The following NADSYN1 variants were observed in gnomAD, a reference collection of about 807,000 sequenced individuals.
NADSYN1 encodes NAD synthetase 1.
Under a neutral mutation model 99.3 loss-of-function variants are expected in NADSYN1, and 80 were observed. The ratio of observed to expected loss-of-function variants is 0.81; its 90% CI spans 0.67 to 0.97. The LOEUF is 0.97. NADSYN1 is among the 50% of genes least tolerant of loss of function. NADSYN1 has a pLI of 0.00. For missense variants in NADSYN1, 859 were observed against 948.5 expected (o/e 0.91, Z 1.24); for synonymous variants, 385 against 372.1 (o/e 1.03, Z -0.40).
chr11:71,497,054 T>C (rs1949824902), intron 18 of NADSYN1: 3 of 208,332 alleles, frequency 1.4e-5, no homozygotes, highest in Non-Finnish European at 2.9e-5. Context: ...AGTTTGTTAT[T>C]TTTTGTAGAG....
At chr11:71,470,186 A>G (rs910282693) in intron 5 of NADSYN1, among the ~76,000 whole-genome samples, 1 of 152,234 alleles carries the variant, frequency 6.6e-6, no homozygotes, top group Non-Finnish European at 1.5e-5. Context: ...TGAGAACAGT[A>G]TGGGGGAACC....
intron 1 of NADSYN1, among the ~76,000 whole-genome samples, chr11:71,454,675 TG>T (rs913280570): frequency 6.6e-6 from 1 of 152,212 alleles, no homozygotes; most frequent in Non-Finnish European, 1.5e-5. Flanking sequence ...AGTAAGCCGA[TG>T]GTGCCTGACA....
At position 71,472,262 on chromosome 11, in the gene NADSYN1, A is replaced by G. The variant is rs115836854; in HGVS notation, c.408-187A>G. 3.6e-3 allele frequency among the ~76,000 whole-genome samples: 549 copies of G among 152,296 alleles called. 7 individuals carry two copies. The highest frequency in any genetic ancestry group is 0.013 in the African/African-American group (534 of 41,554). On this transcript the variant is annotated intron_variant, in intron 5 of 20. Coordinates refer to ENST00000319023, the MANE Select transcript of NADSYN1 (RefSeq NM_018161.5). ...ACCACCATGTCACATAGTCTCCTCAAGCCACCTTCATACTCTTTTCTTTTT... is the reference window on the plus strand; with the variant it reads ...ACCACCATGTCACATAGTCTCCTCAGGCCACCTTCATACTCTTTTCTTTTT...
chr11:71,478,367 G>A (rs753981683), intron 9 of NADSYN1, 28 bp from the exon 10 acceptor site: 16 of 1,557,462 alleles, frequency 1.0e-5, no homozygotes, highest in South Asian at 2.3e-5. Context: ...GGGAAATCAC[G>A]GGTTCTCTTT....
At position 71,474,305 on chromosome 11, in the gene NADSYN1, G is replaced by A. The variant is rs547878204; in HGVS notation, c.667-90G>A. On this transcript the variant is annotated intron_variant, in intron 8 of 20. Coordinates refer to ENST00000319023, the MANE Select transcript of NADSYN1 (RefSeq NM_018161.5). ...GGGACCACTCAGGATGACCTAGCGG[G>A]ACTCGGCGGAGGTTCCTGTACTTGG... 3.9e-6 allele frequency: 6 copies of A among 1,546,750 alleles called. No individual in the cohort carries two copies. In the East Asian group the frequency reaches 1.1e-4, roughly 29 times the overall value.
chr11:71,453,767 G>A (rs1949495857), intron 1 of NADSYN1, among the ~76,000 whole-genome samples: 1 of 152,286 alleles, frequency 6.6e-6, no homozygotes. Flanking sequence ...AGAGGCCAGA[G>A]ATTGATGGTC....
chr11:71,462,757 TG>T (rs1458741033), intron 3 of NADSYN1, among the ~76,000 whole-genome samples: 1 of 152,230 alleles, frequency 6.6e-6, no homozygotes, highest in African/African-American at 2.4e-5. Context: ...GTCACACCTC[TG>T]GCAGGCGCCT....
chr11:71,479,270 T>A (rs575266375), intron 10 of NADSYN1: 1 of 151,988 alleles, frequency 6.6e-6, no homozygotes, highest in Admixed American at 6.5e-5. Flanking sequence ...TTAATTTTTT[T>A]TTTTTTTTAG....
chr11:71,477,233 A>C, intron 9 of NADSYN1: 1 of 1,204,768 alleles, frequency 8.3e-7, no homozygotes, highest in Non-Finnish European at 1.1e-6. Context: ...CAGGCTGTTA[A>C]CCTAGCCTCG....
chr11:71,494,984 A>G (rs1370212576), intron 18 of NADSYN1, among the ~76,000 whole-genome samples: 1 of 151,850 alleles, frequency 6.6e-6, no homozygotes, highest in Non-Finnish European at 1.5e-5. Context: ...CTTTCCAAGC[A>G]TAACTTTTTG....
At chr11:71,485,260 C>G in intron 15 of NADSYN1, 1 of 247,556 alleles carries the variant, frequency 4.0e-6, no homozygotes, top group East Asian at 9.5e-5. Context: ...AGGGACCCCA[C>G]GGCTCAGTCC....
intron 5 of NADSYN1, among the ~76,000 whole-genome samples, chr11:71,465,908 T>C (rs1025394618): frequency 3.3e-5 from 5 of 152,246 alleles, no homozygotes; most frequent in African/African-American, 9.6e-5. Flanking sequence ...GTTGAACTTA[T>C]ATAATATACA....
rs1382668591 is a variant in NADSYN1, at chr11:71,501,475, G to A, written c.*123G>A. ...CAGGATGGGACGGCGCATCAGCCGA[G>A]AGGGAGGGAACTTTTCAGTCAAATT... is the stretch of plus-strand genomic sequence containing the variant. On this transcript the variant is annotated 3_prime_UTR_variant, in exon 21 of 21. Transcript: ENST00000319023. 5 of 871,918 alleles carry A rather than the reference G, an allele frequency of 5.7e-6. No homozygotes were observed. The highest frequency in any genetic ancestry group is 3.4e-5 in the African/African-American group (2 of 58,432). The allele number at this position is 871,918 out of a possible 1,614,324, so 54.0% of individuals were successfully genotyped here.
chr11:71,476,638 C>A, intron 9 of NADSYN1: 2 of 985,980 alleles, frequency 2.0e-6, no homozygotes, highest in Non-Finnish European at 2.4e-6. Context: ...CCTTGCGCTT[C>A]ATCATTAACC....
intron 20 of NADSYN1, among the ~76,000 whole-genome samples, chr11:71,500,508 G>C (rs1262994075): frequency 6.6e-6 from 1 of 152,210 alleles, no homozygotes; most frequent in Non-Finnish European, 1.5e-5. Flanking sequence ...ACTGTGTGCA[G>C]GATGGGCCCC....
At chr11:71,483,721 C>A (rs913076608) in intron 14 of NADSYN1, among the ~76,000 whole-genome samples, 1 of 152,128 alleles carries the variant, frequency 6.6e-6, no homozygotes, top group African/African-American at 2.4e-5. Context: ...AACAGGGACC[C>A]GAACAGATAC....
intron 19 of NADSYN1, among the ~76,000 whole-genome samples, 188 bp from the exon 20 acceptor site, chr11:71,498,164 A>T (rs1284902095): frequency 6.6e-6 from 1 of 151,734 alleles, no homozygotes; most frequent in Non-Finnish European, 1.5e-5. Context: ...AGGCAGGGGG[A>T]CCCCGGTTTC....
At chr11:71,456,629 C>G (rs1565594753) in intron 2 of NADSYN1, among the ~76,000 whole-genome samples, 1 of 152,340 alleles carries the variant, frequency 6.6e-6, no homozygotes, top group East Asian at 1.9e-4. Flanking sequence ...TAGTCTCTCT[C>G]TCCTATAAAT....
intron 5 of NADSYN1, among the ~76,000 whole-genome samples, chr11:71,464,664 G>A (rs545281179): frequency 1.3e-5 from 2 of 152,112 alleles, no homozygotes; most frequent in South Asian, 2.1e-4. Context: ...TCAGGAGATC[G>A]AGACCATCCT....
Sources: allele counts gnomAD v4.1 joint callset (sites outside exome capture counted in the v4.1 genomes callset), GRCh38; gene constraint gnomAD v4.1.1; transcripts MANE v1.5; gene names NCBI Gene and HGNC (gene_info 2026-07-23, HGNC 2026-07-21).